The following DNER variants were observed in gnomAD, a reference collection of about 807,000 sequenced individuals.
DNER encodes the protein delta and Notch-like epidermal growth factor-related receptor.
Under a neutral mutation model 78.2 loss-of-function variants are expected in DNER, and 33 were observed. That is an observed-to-expected ratio of 0.42 (90% CI 0.32 to 0.56). DNER has a LOEUF of 0.56. DNER is among the 20% of genes least tolerant of loss of function. DNER has a pLI of 0.11. For missense variants in DNER, 918 were observed against 975.3 expected (o/e 0.94, Z 0.78); for synonymous variants, 417 against 384.8 (o/e 1.08, Z -0.98).
chr2:229,602,817 T>C (rs1352521161), intron 1 of DNER, among the ~76,000 whole-genome samples: 1 of 152,210 alleles, frequency 6.6e-6, no homozygotes, highest in African/African-American at 2.4e-5. Flanking sequence ...GAAAACTTGA[T>C]ATTAGAAAGA....
chr2:229,463,600 C>G (rs1412972961), intron 7 of DNER, among the ~76,000 whole-genome samples: 1 of 152,002 alleles, frequency 6.6e-6, no homozygotes, highest in Non-Finnish European at 1.5e-5. Context: ...CCACCACATC[C>G]AATTAAATTT....
At chr2:229,684,169 AGTGTGTGTGTGT>A (rs59016911) in intron 1 of DNER, among the ~76,000 whole-genome samples, 15 of 94,600 alleles carry the variant, frequency 1.6e-4, no homozygotes, top group East Asian at 6.9e-4. Context: ...AGAGAGAGAG[AGTGTGTGTGTGT>A]GTGTGTGTGT....
chr2:229,548,741 AT>A (rs1304279885), intron 4 of DNER, among the ~76,000 whole-genome samples: 3 of 152,216 alleles, frequency 2.0e-5, no homozygotes, highest in Non-Finnish European at 4.4e-5. Context: ...TTAAAGTATA[AT>A]AAAAAATATA....
chr2:229,586,546 AAAAACACACAAAACC>A, intron 3 of DNER: 3 of 115,126 alleles, frequency 2.6e-5, no homozygotes, highest in Non-Finnish European at 3.9e-5. Flanking sequence ...AAAAAAAAAA[AAAAACACACAAAACC>A]ACCCCACAGA....
intron 7 of DNER, among the ~76,000 whole-genome samples, chr2:229,448,312 A>T (rs533445224): frequency 8.5e-4 from 130 of 152,368 alleles, no homozygotes; most frequent in African/African-American, 2.9e-3. Flanking sequence ...AATGTGCAGG[A>T]AAAGCAAATC....
At chr2:229,495,415 AGTCTGAGTCTAAAG>A (rs1265090929) in intron 6 of DNER, among the ~76,000 whole-genome samples, 1 of 152,218 alleles carries the variant, frequency 6.6e-6, no homozygotes, top group East Asian at 1.9e-4. Context: ...ATGCAATTCC[AGTCTGAGTCTAAAG>A]ACCTAAGAAC....
chr2:229,432,472 CA>C (rs1265836408), intron 8 of DNER, among the ~76,000 whole-genome samples: 1 of 152,124 alleles, frequency 6.6e-6, no homozygotes, highest in Non-Finnish European at 1.5e-5. Context: ...TGCATACTAA[CA>C]AAGAGAAATT....
chr2:229,659,888 A>G (rs1426929273), intron 1 of DNER, among the ~76,000 whole-genome samples: 1 of 152,160 alleles, frequency 6.6e-6, no homozygotes, highest in Admixed American at 6.6e-5. Flanking sequence ...ATGTATGTAT[A>G]TAGGCACAGA....
Position 229,704,666 on chromosome 2 carries a change from CG to C in DNER, c.276+9481del, listed in dbSNP as rs139837275. On this transcript the variant is annotated intron_variant, in intron 1 of 12. Transcript: ENST00000341772. Reference sequence around the variant, plus strand: ...ACCAGTGGCTGCCAGGGACTGGGGCCGGGGAGAGGTTTACTACAACGGGGCA... The same window carrying C: ...ACCAGTGGCTGCCAGGGACTGGGGCCGGGAGAGGTTTACTACAACGGGGCA... Among the ~76,000 whole-genome samples, 1,206 of 152,158 alleles carry C rather than the reference CG, an allele frequency of 7.9e-3. 20 individuals carry two copies. The highest frequency in any genetic ancestry group is 0.027 in the African/African-American group (1,139 of 41,520).
intron 6 of DNER, among the ~76,000 whole-genome samples, chr2:229,479,847 A>G (rs1343670803): frequency 6.6e-6 from 1 of 152,204 alleles, no homozygotes; most frequent in Non-Finnish European, 1.5e-5. Context: ...TAAAGATTCT[A>G]CAATATGGCT....
chr2:229,539,110 G>A (rs182567507), intron 5 of DNER, among the ~76,000 whole-genome samples: 1 of 152,294 alleles, frequency 6.6e-6, no homozygotes, highest in Admixed American at 6.5e-5. Flanking sequence ...TGCAGGAAAG[G>A]TCTTTCCTTT....
chr2:229,588,369 A>G, intron 3 of DNER, 25 bp downstream of exon 3: 1 of 1,609,578 alleles, frequency 6.2e-7, no homozygotes, highest in Non-Finnish European at 8.5e-7. Context: ...CACTCTTAAC[A>G]GTTTGTAACT....
At chr2:229,444,596 G>C (rs1191772189) in intron 8 of DNER, among the ~76,000 whole-genome samples, 1 of 152,130 alleles carries the variant, frequency 6.6e-6, no homozygotes, top group Non-Finnish European at 1.5e-5. Context: ...CTAACTATAA[G>C]AAAAAGTTTG....
Position 229,587,864 on chromosome 2 carries a change from C to G in DNER, c.680+530G>C, listed in dbSNP as rs76046460. Among the ~76,000 whole-genome samples the G allele has an allele frequency of 6.4e-3, 970 of 152,156 alleles. 14 individuals are homozygous for G. Among genetic ancestry groups the G allele is most frequent in the African/African-American group, 0.022 (932 of 41,506 alleles). ...TCCCTATGCCTCTCCCTCTTCCCCA[C>G]CGGTGACAATGGACCCTGTCATTTA... On this transcript the variant is annotated intron_variant, in intron 3 of 12. Coordinates refer to ENST00000341772, the MANE Select transcript of DNER (RefSeq NM_139072.4).
intron 11 of DNER, among the ~76,000 whole-genome samples, chr2:229,378,550 A>G (rs1692661371): frequency 6.6e-6 from 1 of 152,170 alleles, no homozygotes; most frequent in Non-Finnish European, 1.5e-5. Flanking sequence ...GATCGAGTTA[A>G]TGGAAGCCTC....
At chr2:229,387,559 G>GA (rs1225897880) in intron 11 of DNER, among the ~76,000 whole-genome samples, 1 of 142,752 alleles carries the variant, frequency 7.0e-6, no homozygotes, top group African/African-American at 2.6e-5. Flanking sequence ...AAGAAAGAAA[G>GA]AAAGAAAGAA....
At chr2:229,462,614 C>T (rs7590678) in intron 7 of DNER, among the ~76,000 whole-genome samples, 58,288 of 151,934 alleles carry the variant, frequency 0.38, 13,095 homozygotes, top group African/African-American at 0.62. Flanking sequence ...CCCATTATAA[C>T]AGTTTTCTCT....
intron 1 of DNER, among the ~76,000 whole-genome samples, chr2:229,635,466 G>C (rs987974702): frequency 1.3e-5 from 2 of 151,182 alleles, no homozygotes; most frequent in Non-Finnish European, 2.9e-5. Context: ...GATCTGATTA[G>C]ATGTCTGCAG....
intron 1 of DNER, among the ~76,000 whole-genome samples, chr2:229,631,283 G>T (rs527532869): frequency 1.3e-5 from 2 of 151,580 alleles, no homozygotes; most frequent in Non-Finnish European, 2.9e-5. Context: ...GCTAACTTAC[G>T]CATGGGGCTT....
Sources: allele counts gnomAD v4.1 joint callset (sites outside exome capture counted in the v4.1 genomes callset), GRCh38; gene constraint gnomAD v4.1.1; transcripts MANE v1.5; gene names NCBI Gene and HGNC (gene_info 2026-07-23, HGNC 2026-07-21).